Variants in HDAC9 observed in about 807,000 individuals in gnomAD.
The protein encoded by HDAC9 is histone deacetylase 9.
HDAC9 carries 41 observed loss-of-function variants against 139.4 expected under a neutral mutation model. The observed-to-expected ratio is 0.29, with a 90% CI of 0.23 to 0.38. The LOEUF is 0.38. HDAC9 is among the 10% of genes least tolerant of loss of function. The pLI is 1.00. For synonymous variants in HDAC9, 517 were observed against 476.2 expected, an observed-to-expected ratio of 1.09 and a Z score of -1.12; for missense variants, 1,147 against 1,297.0, an observed-to-expected ratio of 0.88 and a Z score of 1.78.
chr7:18,758,351 T>C (rs1286115122), intron 14 of HDAC9, among the ~76,000 whole-genome samples: 1 of 152,172 alleles, frequency 6.6e-6, no homozygotes, highest in Non-Finnish European at 1.5e-5. Context: ...ACTCCCTAAA[T>C]TAAGATTATC....
At chr7:18,233,951 A>G (rs937681386) in intron 2 of HDAC9, among the ~76,000 whole-genome samples, 2 of 152,076 alleles carry the variant, frequency 1.3e-5, no homozygotes, top group Non-Finnish European at 2.9e-5. Context: ...TCTTCATTTT[A>G]TATAGTCATC....
At chr7:18,509,678 C>T (rs188502799) in intron 2 of HDAC9, among the ~76,000 whole-genome samples, 135 of 152,278 alleles carry the variant, frequency 8.9e-4, no homozygotes, top group Middle Eastern at 6.8e-3. Flanking sequence ...GCAAATGTTA[C>T]CTAATGTCTG....
intron 1 of HDAC9, among the ~76,000 whole-genome samples, chr7:18,146,855 T>G (rs1420461899): frequency 6.6e-6 from 1 of 152,138 alleles, no homozygotes; most frequent in Non-Finnish European, 1.5e-5. Context: ...CATTTTTTAA[T>G]CCTCTCATAA....
intron 24 of HDAC9, among the ~76,000 whole-genome samples, chr7:18,973,151 G>T (rs1370461748): frequency 6.6e-6 from 1 of 152,086 alleles, no homozygotes; most frequent in East Asian, 1.9e-4. Context: ...TGTCACCAGG[G>T]TTAAATAAAA....
intron 13 of HDAC9, among the ~76,000 whole-genome samples, chr7:18,743,078 G>GT (rs533841509): frequency 8.2e-4 from 124 of 151,128 alleles, no homozygotes; most frequent in African/African-American, 2.6e-3. Flanking sequence ...CAACGGCCCT[G>GT]TTTTTTTTTC....
chr7:18,786,183 C>T (rs535265297), intron 16 of HDAC9, among the ~76,000 whole-genome samples: 2 of 152,220 alleles, frequency 1.3e-5, no homozygotes, highest in African/African-American at 2.4e-5. Context: ...CAGCACTCAT[C>T]CTTTTTATCC....
At chr7:18,277,922 CTTG>C (rs1428031552) in intron 2 of HDAC9, among the ~76,000 whole-genome samples, 5 of 152,164 alleles carry the variant, frequency 3.3e-5, no homozygotes, top group Admixed American at 3.3e-4. Context: ...TTTAAAAAAA[CTTG>C]TTATCGTTTA....
chr7:18,969,629 T>C (rs1407455131), intron 24 of HDAC9, among the ~76,000 whole-genome samples: 3 of 151,766 alleles, frequency 2.0e-5, no homozygotes, highest in African/African-American at 7.3e-5. Flanking sequence ...GTAAACATAA[T>C]GAAGAGATAA....
intron 21 of HDAC9, among the ~76,000 whole-genome samples, chr7:18,839,858 T>G (rs1796477665): frequency 6.6e-6 from 1 of 152,050 alleles, no homozygotes; most frequent in African/African-American, 2.4e-5. Flanking sequence ...GACTAATTCT[T>G]TTAAGAGTAC....
intron 21 of HDAC9, among the ~76,000 whole-genome samples, chr7:18,869,949 T>C (rs943993090): frequency 2.0e-5 from 3 of 152,016 alleles, no homozygotes; most frequent in African/African-American, 7.2e-5. Flanking sequence ...TAGAAACTTG[T>C]TTGATAGCAA....
intron 12 of HDAC9, among the ~76,000 whole-genome samples, chr7:18,699,725 T>C (rs898978695): frequency 6.6e-6 from 1 of 152,132 alleles, no homozygotes; most frequent in Non-Finnish European, 1.5e-5. Context: ...TATTAAGATA[T>C]TCCCCATTGA....
intron 21 of HDAC9, among the ~76,000 whole-genome samples, chr7:18,870,679 A>G (rs1798849186): frequency 6.6e-6 from 1 of 152,090 alleles, no homozygotes; most frequent in Non-Finnish European, 1.5e-5. Context: ...TATTATTGTT[A>G]TTACTATTTT....
intron 14 of HDAC9, among the ~76,000 whole-genome samples, chr7:18,758,826 C>T (rs1372831752): frequency 2.6e-5 from 4 of 151,242 alleles, no homozygotes; most frequent in Non-Finnish European, 1.5e-5. Context: ...GTTTTCACTG[C>T]TCTCTTTCTG....
intron 2 of HDAC9, among the ~76,000 whole-genome samples, chr7:18,226,779 T>G (rs80283789): frequency 0.014 from 2,197 of 152,306 alleles, 57 homozygotes; most frequent in African/African-American, 0.05. Context: ...CAGCCTAGGC[T>G]AAGAGACAGA....
chr7:18,424,026 A>C (rs1789881019), intron 1 of HDAC9, among the ~76,000 whole-genome samples: 1 of 152,184 alleles, frequency 6.6e-6, no homozygotes, highest in Admixed American at 6.5e-5. Context: ...GGTAGTTTTG[A>C]TACATATCAC....
rs1439126678 is a variant in HDAC9, at chr7:18,996,070, A to G, written c.*8A>G. Reference sequence around the variant, plus strand: ...GAGGAGCCAGCCTTGTGAAGTGCCAAGTCCCCCTCTGATATTTCCTGTGTG... The same window carrying G: ...GAGGAGCCAGCCTTGTGAAGTGCCAGGTCCCCCTCTGATATTTCCTGTGTG... On this transcript the variant is annotated 3_prime_UTR_variant, in exon 26 of 26. Transcript: ENST00000686413. 3.1e-6 allele frequency: 5 copies of G among 1,600,604 alleles called. No homozygotes were observed. The highest frequency in any genetic ancestry group is 1.7e-5 in the Admixed American group (1 of 58,682).
At chr7:18,663,929 G>C (rs547321681) in intron 11 of HDAC9, among the ~76,000 whole-genome samples, 5 of 152,200 alleles carry the variant, frequency 3.3e-5, no homozygotes, top group African/African-American at 1.2e-4. Context: ...CTCTCTCTCT[G>C]AATAATGAGC....
intron 1 of HDAC9, among the ~76,000 whole-genome samples, chr7:18,415,618 G>T (rs866214651): frequency 6.6e-6 from 1 of 152,172 alleles, no homozygotes; most frequent in African/African-American, 2.4e-5. Flanking sequence ...ATGATTTCAG[G>T]TTTTGCTGGT....
Position 18,996,272 on chromosome 7 carries a change from A to T in HDAC9, c.*210A>T. 4.2e-6 allele frequency: 2 copies of T among 478,972 alleles called. No individual in the cohort carries two copies. Among genetic ancestry groups the T allele is most frequent in the Non-Finnish European group, 7.6e-6 (2 of 263,094 alleles). 29.7% of individuals were successfully genotyped at this position (478,972 alleles called of 1,614,324 possible). On this transcript the variant is annotated 3_prime_UTR_variant, in exon 26 of 26. Transcript: ENST00000686413. ...AGATTCCTTAAACGTAACCGCTGTG[A>T]TTCTAGAGTTACAGTAAACCACGAT...
Sources: gnomAD v4.1 joint callset for allele counts (sites outside exome capture counted in the v4.1 genomes callset) on GRCh38, gnomAD v4.1.1 for gene constraint, MANE v1.5 for transcripts, NCBI Gene and HGNC (gene_info 2026-07-23, HGNC 2026-07-21) for gene names.